NR2F1: variants seen among roughly 807,000 people sequenced by gnomAD.
The protein encoded by NR2F1 is COUP transcription factor 1.
NR2F1 carries 1 observed loss-of-function variant against 37.7 expected under a neutral mutation model. The ratio of observed to expected loss-of-function variants is 0.03; its 90% CI spans 0.01 to 0.13. NR2F1 has a LOEUF of 0.13. NR2F1 is among the 10% of genes least tolerant of loss of function. The probability of loss-of-function intolerance (pLI) is 1.00; values close to 1 mark genes in which losing one functional copy is unlikely to be tolerated. For synonymous variants in NR2F1, 275 were observed against 259.6 expected, an observed-to-expected ratio of 1.06 and a Z score of -0.57; for missense variants, 268 against 578.4, an observed-to-expected ratio of 0.46 and a Z score of 5.50.
At chr5:93,589,250 T>C (rs1274404763) in intron 2 of NR2F1, among the ~76,000 whole-genome samples, 2 of 152,224 alleles carry the variant, frequency 1.3e-5, no homozygotes, top group Non-Finnish European at 2.9e-5. Context: ...AAATTATGTG[T>C]AGGCAGTGGT....
chr5:93,587,546 T>G, intron 1 of NR2F1: 1 of 202,792 alleles, frequency 4.9e-6, no homozygotes. Context: ...TTTTTAACCC[T>G]GATTTTTTTT....
In NR2F1 at chr5:93,583,245, C is replaced by T. The variant is rs1753155734; in HGVS notation, c.-1779C>T. On this transcript the variant is annotated 5_prime_UTR_variant, in exon 1 of 3. Coordinates refer to ENST00000327111, the MANE Select transcript of NR2F1 (RefSeq NM_005654.6). ...TCGGAAACATTGCTCTGCGAGTCCT[C>T]CCGTTTAAACGCATTCAATTTTTGG... 1 of 152,038 alleles carries T rather than the reference C, an allele frequency of 6.6e-6. No individual in the cohort carries two copies. The highest frequency in any genetic ancestry group is 6.6e-5 in the Admixed American group (1 of 15,266). 9.4% of individuals were successfully genotyped at this position (152,038 alleles called of 1,614,324 possible). A position where few individuals can be genotyped will look rare whatever the true frequency, so the allele number is the denominator to read the frequency against.
intron 2 of NR2F1, chr5:93,591,834 A>T (rs1753336463): frequency 6.6e-6 from 1 of 152,262 alleles, no homozygotes; most frequent in Non-Finnish European, 1.5e-5. Flanking sequence ...AGGGTCATTC[A>T]TCAGGGCCAG....
At chr5:93,590,347 C>A (rs1753310376) in intron 2 of NR2F1, among the ~76,000 whole-genome samples, 1 of 152,152 alleles carries the variant, frequency 6.6e-6, no homozygotes, top group Non-Finnish European at 1.5e-5. Flanking sequence ...TAATCTCATG[C>A]CCTTTCCCAG....
Position 93,585,005 on chromosome 5 carries a change from G to C in NR2F1, c.-19G>C. ...GGCGAGCAGCTCGGCTCCCCCCAGC[G>C]CTCCCCGGGCCCAAAGATATGGCAA... On this transcript the variant is annotated 5_prime_UTR_variant, in exon 1 of 3. Coordinates refer to ENST00000327111, the MANE Select transcript of NR2F1 (RefSeq NM_005654.6). 1.0e-6 allele frequency: 1 copy of C among 993,750 alleles called. No individual in the cohort carries two copies. Among genetic ancestry groups the C allele is most frequent in the Non-Finnish European group, 1.2e-6 (1 of 836,208 alleles). The allele number at this position is 993,750 out of a possible 1,614,324, so 61.6% of individuals were successfully genotyped here.
chr5:93,592,554 G>A (rs1753349222), intron 2 of NR2F1, among the ~76,000 whole-genome samples: 1 of 151,978 alleles, frequency 6.6e-6, no homozygotes, highest in Non-Finnish European at 1.5e-5. Context: ...TGGTTGACAT[G>A]AACTAAGCAC....
rs1354651196 is a variant in NR2F1, at chr5:93,593,505, T to C, written c.992-57T>C. ...TGGCTTATTTTGCCTTTGCTATTTG[T>C]CAGCCTAACCGTGTGCTCCCTTTCC... On this transcript the variant is annotated intron_variant, in intron 2 of 2. Coordinates refer to ENST00000327111, the MANE Select transcript of NR2F1 (RefSeq NM_005654.6). The surrounding 1 kb of genome is among the most constrained non-coding windows in gnomAD (Gnocchi z 5.6). 15 of 1,525,672 alleles carry C rather than the reference T, an allele frequency of 9.8e-6. No homozygotes were observed. The Admixed American group carries it at 3.1e-4, about 31-fold the overall frequency. 94.5% of individuals were successfully genotyped at this position (1,525,672 alleles called of 1,614,324 possible). A position where few individuals can be genotyped will look rare whatever the true frequency, so the allele number is the denominator to read the frequency against.
intron 2 of NR2F1, among the ~76,000 whole-genome samples, chr5:93,592,921 C>T (rs1753357626): frequency 6.6e-6 from 1 of 152,006 alleles, no homozygotes; most frequent in African/African-American, 2.4e-5. Context: ...GATCTGAAAT[C>T]CTATATTGCT....
chr5:93,585,581 G>A, intron 1 of NR2F1, 95 bp downstream of exon 1: 1 of 996,446 alleles, frequency 1.0e-6, no homozygotes, highest in South Asian at 1.6e-5. Flanking sequence ...GTGGGGCTGG[G>A]GCTCCTGTGG....
Position 93,588,355 on chromosome 5 carries a change from T to A in NR2F1, c.902T>A (p.Ile301Asn). The A allele has an allele frequency of 1.2e-6, 2 of 1,613,126 alleles. No individual in the cohort carries two copies. Among genetic ancestry groups the A allele is most frequent in the Non-Finnish European group, 1.7e-6 (2 of 1,179,844 alleles). ...RVVAFMDHIR[I>N]FQEQVEKLKA... ...GTGGCCTTCATGGACCACATCCGCA[T>A]CTTCCAGGAGCAGGTGGAGAAGCTC... is the stretch of plus-strand genomic sequence containing the variant. Residue 301 changes from isoleucine to asparagine, a missense_variant, in exon 2 of 3, where the codon ATC becomes AAC. Physicochemically the swap from Ile to Asn is moderately radical, Grantham distance 149. Coordinates refer to ENST00000327111, the MANE Select transcript of NR2F1 (RefSeq NM_005654.6).
rs974916569 is a variant in NR2F1 at position 93,593,045 on chromosome 5, G to A, written c.992-517G>A. ...CTCCTGGAGGTTTCTGGTTGGGGTGGTTTGGGTTTGAGAGGGGACTCCAGG... is the reference window on the plus strand; with the variant it reads ...CTCCTGGAGGTTTCTGGTTGGGGTGATTTGGGTTTGAGAGGGGACTCCAGG... On this transcript the variant is annotated intron_variant, in intron 2 of 2. Transcript: ENST00000327111. The surrounding 1 kb of genome is among the most constrained non-coding windows in gnomAD (Gnocchi z 5.6). 6.6e-6 allele frequency among the ~76,000 whole-genome samples: 1 copy of A among 152,098 alleles called. No individual in the cohort carries two copies. The highest frequency in any genetic ancestry group is 1.5e-5 in the Non-Finnish European group (1 of 68,024).
In NR2F1 at chr5:93,585,104, G is replaced by T; in HGVS notation, c.81G>T (p.Ala27=). The T allele has an allele frequency of 1.0e-6, 1 of 995,886 alleles. No individual in the cohort carries two copies. Among genetic ancestry groups the T allele is most frequent in the African/African-American group, 1.8e-5 (1 of 56,130 alleles). 61.7% of individuals were successfully genotyped at this position (995,886 alleles called of 1,614,324 possible). ...ACCCCGGCGGCCCCAACCCCGCAGCGCAGGCGGCCCGCGGCGGCGGCGGCG... is the reference window on the plus strand; with the variant it reads ...ACCCCGGCGGCCCCAACCCCGCAGCTCAGGCGGCCCGCGGCGGCGGCGGCG... ...GGNPGGPNPA[A]QAARGGGGGA... Residue 27 remains alanine, a synonymous_variant, in exon 1 of 3, where the codon GCG becomes GCT. Coordinates refer to ENST00000327111, the MANE Select transcript of NR2F1 (RefSeq NM_005654.6).
Position 93,593,975 on chromosome 5 carries a change from A to T in NR2F1, c.*133A>T. 1 of 743,216 alleles carries T rather than the reference A, an allele frequency of 1.3e-6. No individual in the cohort carries two copies. The highest frequency in any genetic ancestry group is 1.8e-5 in the African/African-American group (1 of 57,028). The allele number at this position is 743,216 out of a possible 1,614,324, so 46.0% of individuals were successfully genotyped here. A position where few individuals can be genotyped will look rare whatever the true frequency, so the allele number is the denominator to read the frequency against. On this transcript the variant is annotated 3_prime_UTR_variant, in exon 3 of 3. Transcript: ENST00000327111. The surrounding 1 kb of genome is among the most constrained non-coding windows in gnomAD (Gnocchi z 5.6). Reference sequence around the variant, plus strand: ...GGCTGGGTGGGAGGGAGGAGGGCCGAGACAGGAGCAGCCCACCCAGCAGAA... The same window carrying T: ...GGCTGGGTGGGAGGGAGGAGGGCCGTGACAGGAGCAGCCCACCCAGCAGAA...
In NR2F1 at chr5:93,584,037, G is replaced by C. The variant is rs1307090653; in HGVS notation, c.-987G>C. On this transcript the variant is annotated 5_prime_UTR_variant, in exon 1 of 3. Transcript: ENST00000327111. ...CCTTCCTGAATGGCTGGCTGCGTCC[G>C]GCCCTGGACCTGGCCCCCCGACACC... is the stretch of plus-strand genomic sequence containing the variant. 1 of 151,852 alleles carries C rather than the reference G, an allele frequency of 6.6e-6. No homozygotes were observed. The highest frequency in any genetic ancestry group is 2.4e-5 in the African/African-American group (1 of 41,284). The allele number at this position is 151,852 out of a possible 1,614,324, so 9.4% of individuals were successfully genotyped here. A position where few individuals can be genotyped will look rare whatever the true frequency, so the allele number is the denominator to read the frequency against.
chr5:93,594,443 T>C lies in NR2F1; in HGVS notation c.*601T>C, dbSNP rs1358385432. 2.0e-5 allele frequency: 3 copies of C among 152,244 alleles called. No individual in the cohort carries two copies. The highest frequency in any genetic ancestry group is 4.4e-5 in the Non-Finnish European group (3 of 68,054). The allele number at this position is 152,244 out of a possible 1,614,324, so 9.4% of individuals were successfully genotyped here. On this transcript the variant is annotated 3_prime_UTR_variant, in exon 3 of 3. Transcript: ENST00000327111. ...TCCTGTGTCTATGTATCTATATCTGTTTTGTATTTTTTTCTGGTTCCAAAC... is the reference window on the plus strand; with the variant it reads ...TCCTGTGTCTATGTATCTATATCTGCTTTGTATTTTTTTCTGGTTCCAAAC...
In NR2F1 at chr5:93,584,183, C is replaced by A. The variant is rs1327976709; in HGVS notation, c.-841C>A. The stretch of plus-strand genomic sequence containing the variant: ...ACAGCGGCGGCGCCGCGGGCGGCCC[C>A]GGCCTCCGCTCGCGCTCCGGCTGCG... On this transcript the variant is annotated 5_prime_UTR_variant, in exon 1 of 3. Coordinates refer to ENST00000327111, the MANE Select transcript of NR2F1 (RefSeq NM_005654.6). 6.7e-6 allele frequency: 1 copy of A among 148,788 alleles called. No homozygotes were observed. The highest frequency in any genetic ancestry group is 1.5e-5 in the Non-Finnish European group (1 of 66,752). The allele number at this position is 148,788 out of a possible 1,614,324, so 9.2% of individuals were successfully genotyped here. A position where few individuals can be genotyped will look rare whatever the true frequency, so the allele number is the denominator to read the frequency against.
chr5:93,594,135 T>A lies in NR2F1; in HGVS notation c.*293T>A. ...TCTGGTGAAAAAAAGAAAAACAAAT[T>A]GGAAGAGAGGACCATGAGAATTTTA... On this transcript the variant is annotated 3_prime_UTR_variant, in exon 3 of 3. Coordinates refer to ENST00000327111, the MANE Select transcript of NR2F1 (RefSeq NM_005654.6). 1 of 368,226 alleles carries A rather than the reference T, an allele frequency of 2.7e-6. No individual in the cohort carries two copies. Among genetic ancestry groups the A allele is most frequent in the Non-Finnish European group, 4.9e-6 (1 of 203,976 alleles). 22.8% of individuals were successfully genotyped at this position (368,226 alleles called of 1,614,324 possible).
Position 93,584,973 on chromosome 5 carries a change from G to GGCCCTCGGCGAGCAGCTCGGCT in NR2F1, c.-50_-29dup, listed in dbSNP as rs1753202399. ...CTCCCAGCGCGCCCGCGCGCCCCGC[G>GGCCCTCGGCGAGCAGCTCGGCT]GCCCTCGGCGAGCAGCTCGGCTCCC... On this transcript the variant is annotated 5_prime_UTR_variant, in exon 1 of 3. Transcript: ENST00000327111. The GGCCCTCGGCGAGCAGCTCGGCT allele has an allele frequency of 1.1e-6, 1 of 886,152 alleles. No individual in the cohort carries two copies. The highest frequency in any genetic ancestry group is 7.4e-5 in the Admixed American group (1 of 13,532). The allele number at this position is 886,152 out of a possible 1,614,324, so 54.9% of individuals were successfully genotyped here.
intron 2 of NR2F1, among the ~76,000 whole-genome samples, chr5:93,591,642 T>C (rs1580362239): frequency 6.6e-6 from 1 of 151,902 alleles, no homozygotes; most frequent in East Asian, 1.9e-4. Flanking sequence ...ATCATAAATG[T>C]CAGATAGATA....
Sources: gnomAD v4.1 joint callset for allele counts (sites outside exome capture counted in the v4.1 genomes callset) on GRCh38, gnomAD v4.1.1 for gene constraint, Gnocchi (gnomAD v3.1) non-coding constraint, MANE v1.5 for transcripts, NCBI Gene and HGNC (gene_info 2026-07-23, HGNC 2026-07-21) for gene names.